Variants in RABGAP1L observed in about 807,000 individuals in gnomAD.
RABGAP1L encodes the protein RAB GTPase activating protein 1 like, also known as rab GTPase-activating protein 1-like.
In RABGAP1L, 63 loss-of-function variants were observed where a neutral mutation model predicts 137.7. That is an observed-to-expected ratio of 0.46 (90% CI 0.37 to 0.56). The LOEUF is 0.56. Among genes scored for constraint, RABGAP1L ranks in the 20% least tolerant of loss-of-function variants. The probability of loss-of-function intolerance (pLI) is 0.00; values close to 1 mark genes in which losing one functional copy is unlikely to be tolerated. For synonymous variants in RABGAP1L, 431 were observed against 433.7 expected, an observed-to-expected ratio of 0.99 and a Z score of 0.08; for missense variants, 1,095 against 1,244.0, an observed-to-expected ratio of 0.88 and a Z score of 1.80.
At chr1:174,582,973 T>G (rs1305379749) in intron 13 of RABGAP1L, among the ~76,000 whole-genome samples, 5 of 152,206 alleles carry the variant, frequency 3.3e-5, no homozygotes, top group African/African-American at 1.2e-4. Context: ...TATTAGGGAT[T>G]TCAAATTATG....
At chr1:174,585,860 G>A (rs1669073241) in intron 13 of RABGAP1L, among the ~76,000 whole-genome samples, 1 of 152,196 alleles carries the variant, frequency 6.6e-6, no homozygotes, top group Non-Finnish European at 1.5e-5. Flanking sequence ...AGGAAGTAGT[G>A]TATCATGTGT....
At chr1:174,424,654 A>G (rs1011794631) in intron 13 of RABGAP1L, among the ~76,000 whole-genome samples, 3 of 152,108 alleles carry the variant, frequency 2.0e-5, no homozygotes, top group Admixed American at 6.5e-5. Flanking sequence ...TCACCTGGAA[A>G]TCACACACTT....
Position 174,969,261 on chromosome 1 carries a change from T to C in RABGAP1L, c.2434-16T>C, listed in dbSNP as rs1458230830. ...CCAGACACTAATGCCCACCTCTGGC[T>C]ATTGTTCTTCTGCAGAGGGAGAACC... is the stretch of plus-strand genomic sequence containing the variant. On this transcript the variant is annotated splice_polypyrimidine_tract_variant and intron_variant, in intron 20 of 25. Transcript: ENST00000681986. 3 of 1,532,346 alleles carry C rather than the reference T, an allele frequency of 2.0e-6. No individual in the cohort carries two copies. The highest frequency in any genetic ancestry group is 1.8e-6 in the Non-Finnish European group (2 of 1,130,164). 94.9% of individuals were successfully genotyped at this position (1,532,346 alleles called of 1,614,324 possible).
At chr1:174,424,278 T>G (rs945621420) in intron 13 of RABGAP1L, among the ~76,000 whole-genome samples, 1 of 152,142 alleles carries the variant, frequency 6.6e-6, no homozygotes, top group African/African-American at 2.4e-5. Flanking sequence ...ATGTGCCTTA[T>G]TTTCAGACTT....
intron 11 of RABGAP1L, among the ~76,000 whole-genome samples, chr1:174,354,406 A>G (rs1398858833): frequency 6.6e-6 from 1 of 152,140 alleles, no homozygotes; most frequent in African/African-American, 2.4e-5. Context: ...TTTGAATAAT[A>G]TGTTTAAAAC....
At chr1:174,272,588 C>A in intron 8 of RABGAP1L, 108 bp downstream of exon 8, 1 of 1,321,520 alleles carries the variant, frequency 7.6e-7, no homozygotes, top group South Asian at 2.1e-5. Context: ...TTATTTCTTG[C>A]AGCTGTGTGA....
chr1:174,518,014 C>G (rs1339477352), intron 13 of RABGAP1L, among the ~76,000 whole-genome samples: 2 of 152,134 alleles, frequency 1.3e-5, no homozygotes, highest in Non-Finnish European at 2.9e-5. Context: ...AAGACTTAAT[C>G]AGAATTGATA....
chr1:174,672,390 C>T (rs1677253570), intron 14 of RABGAP1L, among the ~76,000 whole-genome samples: 1 of 150,762 alleles, frequency 6.6e-6, no homozygotes, highest in Non-Finnish European at 1.5e-5. Flanking sequence ...AAGCGATTCT[C>T]CTGCCTCAGC....
At chr1:174,633,487 C>A (rs985770214) in intron 13 of RABGAP1L, among the ~76,000 whole-genome samples, 1 of 151,478 alleles carries the variant, frequency 6.6e-6, no homozygotes, top group Non-Finnish European at 1.5e-5. Context: ...CAGTGCCATC[C>A]CCATCAAGCT....
intron 13 of RABGAP1L, among the ~76,000 whole-genome samples, chr1:174,531,380 A>G (rs751983328): frequency 3.9e-5 from 6 of 152,222 alleles, no homozygotes; most frequent in Non-Finnish European, 7.3e-5. Flanking sequence ...GGAGGAAAAA[A>G]TCAGAGAAGC....
At chr1:174,369,081 T>C (rs576719189) in intron 11 of RABGAP1L, among the ~76,000 whole-genome samples, 1 of 152,346 alleles carries the variant, frequency 6.6e-6, no homozygotes, top group East Asian at 1.9e-4. Flanking sequence ...TCTTGGATCC[T>C]GCTTAATTGA....
intron 12 of RABGAP1L, among the ~76,000 whole-genome samples, chr1:174,383,387 G>T (rs1278793341): frequency 6.7e-6 from 1 of 148,782 alleles, no homozygotes; most frequent in South Asian, 2.2e-4. Context: ...CCCTCCCCCA[G>T]CCTCACTGCC....
In RABGAP1L at chr1:174,892,587, G is replaced by T. The variant is rs77698610; in HGVS notation, c.2341-64870G>T. On this transcript the variant is annotated intron_variant, in intron 19 of 25. Coordinates refer to ENST00000681986, the MANE Select transcript of RABGAP1L (RefSeq NM_001366446.1). ...TGGAACTCAAGGGTGGTATTTACAT[G>T]CCATTCTTTGGTGGTTGGTGTTCTT... 4.1e-3 allele frequency: 2,189 copies of T among 531,940 alleles called. 40 individuals are homozygous for T. Among genetic ancestry groups the T allele is most frequent in the African/African-American group, 0.04 (2,044 of 51,544 alleles). 33.0% of individuals were successfully genotyped at this position (531,940 alleles called of 1,614,324 possible).
chr1:174,847,700 T>C (rs1647279771), intron 19 of RABGAP1L, among the ~76,000 whole-genome samples: 1 of 130,884 alleles, frequency 7.6e-6, no homozygotes, highest in Non-Finnish European at 1.6e-5. Context: ...CTGACAATTA[T>C]GTGTCTTGGA....
At chr1:174,548,012 AT>A (rs1558330852) in intron 13 of RABGAP1L, 1 of 1,550,612 alleles carries the variant, frequency 6.4e-7, no homozygotes, top group South Asian at 1.2e-5. Flanking sequence ...TTGTACAAAT[AT>A]GTCCTAAAAC....
intron 13 of RABGAP1L, chr1:174,548,264 C>T: frequency 7.3e-7 from 1 of 1,374,960 alleles, no homozygotes; most frequent in Non-Finnish European, 9.4e-7. Context: ...TGTTTTTAAA[C>T]TCTTTGCTAT....
At chr1:174,391,162 C>G (rs1687181167) in intron 12 of RABGAP1L, among the ~76,000 whole-genome samples, 1 of 152,098 alleles carries the variant, frequency 6.6e-6, no homozygotes, top group Non-Finnish European at 1.5e-5. Flanking sequence ...TAAGTGAAAA[C>G]TTTTCAAGGA....
At chr1:174,299,313 G>A (rs1677434284) in intron 10 of RABGAP1L, among the ~76,000 whole-genome samples, 1 of 152,168 alleles carries the variant, frequency 6.6e-6, no homozygotes, top group Admixed American at 6.5e-5. Context: ...GGAGCTCCTG[G>A]ACCTGTTAGC....
At chr1:174,919,122 G>A (rs1661391193) in intron 19 of RABGAP1L, among the ~76,000 whole-genome samples, 1 of 151,702 alleles carries the variant, frequency 6.6e-6, no homozygotes, top group Non-Finnish European at 1.5e-5. Flanking sequence ...AGGTTCAAGT[G>A]ATTCTCCCGC....
Sources: allele counts gnomAD v4.1 joint callset (sites outside exome capture counted in the v4.1 genomes callset), GRCh38; gene constraint gnomAD v4.1.1; transcripts MANE v1.5; gene names NCBI Gene and HGNC (gene_info 2026-07-23, HGNC 2026-07-21).